The following NEMF variants were observed in gnomAD, a reference collection of about 807,000 sequenced individuals.
The protein encoded by NEMF is nuclear export mediator factor, also known as ribosome quality control complex subunit NEMF.
Under a neutral mutation model 162.2 loss-of-function variants are expected in NEMF, and 89 were observed. The ratio of observed to expected loss-of-function variants is 0.55; its 90% CI spans 0.46 to 0.65. NEMF has a LOEUF of 0.65. Ranked by LOEUF, NEMF falls within the 30% of genes least tolerant of loss-of-function variation. The probability of loss-of-function intolerance (pLI) is 0.00; values close to 1 mark genes in which losing one functional copy is unlikely to be tolerated. For synonymous variants in NEMF, 421 were observed against 404.5 expected (o/e 1.04, Z -0.49); for missense variants, 1,133 against 1,261.9 (o/e 0.90, Z 1.55).
At chr14:49,806,182 C>T (rs1350530356) in intron 18 of NEMF, 49 bp from the exon 19 acceptor site, 6 of 1,279,762 alleles carry the variant, frequency 4.7e-6, no homozygotes, top group Non-Finnish European at 6.6e-6. Flanking sequence ...GGACTTTCTC[C>T]AGAGCAAGAT....
Position 49,812,433 on chromosome 14 carries a change from A to G in NEMF, c.1744+1555T>C, listed in dbSNP as rs573614149. Among the ~76,000 whole-genome samples, 6 of 151,660 alleles carry G rather than the reference A, an allele frequency of 4.0e-5. No individual in the cohort carries two copies. In the East Asian group the frequency reaches 7.8e-4, roughly 20 times the overall value. The stretch of plus-strand genomic sequence containing the variant: ...GTTCATTTCTACTCTAATATTTACT[A>G]TTTTCTTCCTTCTCCTTGCTTTGGG... On this transcript the variant is annotated intron_variant, in intron 18 of 32. Transcript: ENST00000298310.
intron 16 of NEMF, among the ~76,000 whole-genome samples, chr14:49,818,930 C>G (rs1318093603): frequency 6.6e-6 from 1 of 152,116 alleles, no homozygotes; most frequent in Non-Finnish European, 1.5e-5. Context: ...ACAAGCCCAA[C>G]CACCCAGGGA....
rs1030100111 is a variant in NEMF, at chr14:49,783,853, T to A, written c.*783A>T. 6.6e-6 allele frequency: 1 copy of A among 152,176 alleles called. No individual in the cohort carries two copies. The highest frequency in any genetic ancestry group is 1.5e-5 in the Non-Finnish European group (1 of 68,020). 9.4% of individuals were successfully genotyped at this position (152,176 alleles called of 1,614,324 possible). A position where few individuals can be genotyped will look rare whatever the true frequency, so the allele number is the denominator to read the frequency against. On this transcript the variant is annotated 3_prime_UTR_variant, in exon 33 of 33. Coordinates refer to ENST00000298310, the MANE Select transcript of NEMF (RefSeq NM_004713.6). ...ACTTATATTTTACATTTTGGTCTAA[T>A]ATTTTTTTCTGACAAGTATCAATGA... is the stretch of plus-strand genomic sequence containing the variant.
chr14:49,834,060 CA>C, intron 7 of NEMF: 4 of 482,444 alleles, frequency 8.3e-6, no homozygotes, highest in South Asian at 3.3e-5. Context: ...AAATCTCATT[CA>C]ATTTTTTTTT....
chr14:49,785,376 T>G, intron 29 of NEMF, 56 bp from the exon 30 acceptor site: 1 of 1,169,896 alleles, frequency 8.5e-7, no homozygotes, highest in Non-Finnish European at 1.3e-6. Flanking sequence ...TTACAAAAAA[T>G]GCTAAAACAC....
Position 49,795,863 on chromosome 14 carries a change from A to G in NEMF, c.2547T>C (p.Thr849=). The G allele has an allele frequency of 6.2e-7, 1 of 1,613,356 alleles. No individual in the cohort carries two copies. Among genetic ancestry groups the G allele is most frequent in the Admixed American group, 1.7e-5 (1 of 59,886 alleles). Residue 849 remains threonine, a synonymous_variant, in exon 26 of 33, where the codon ACT becomes ACC. Transcript: ENST00000298310. ...TGTTCTGATGAGTTTCAATGTGTAC[A>G]GTACTTTCTTTTTCTTTATCCTTTC... ...LEGKDKEKES[T]VHIETHQNTS...
intron 29 of NEMF, chr14:49,785,715 C>T (rs1890140122): frequency 5.5e-6 from 1 of 183,134 alleles, no homozygotes; most frequent in Non-Finnish European, 1.2e-5. Context: ...TGGAGAAACA[C>T]CATCTCTACA....
intron 4 of NEMF, among the ~76,000 whole-genome samples, chr14:49,843,442 C>G (rs904411359): frequency 6.6e-6 from 1 of 152,022 alleles, no homozygotes; most frequent in Non-Finnish European, 1.5e-5. Context: ...TGCAGTAAGC[C>G]CTGATCATGC....
chr14:49,826,929 A>G (rs1403369293), intron 15 of NEMF, among the ~76,000 whole-genome samples: 2 of 152,220 alleles, frequency 1.3e-5, no homozygotes, highest in Non-Finnish European at 2.9e-5. Flanking sequence ...TATGTAAATG[A>G]AGAGAGGGGT....
Position 49,789,239 on chromosome 14 carries a change from C to A in NEMF, c.2802G>T (p.Arg934Ser). 6.2e-7 allele frequency: 1 copy of A among 1,613,950 alleles called. No individual in the cohort carries two copies. Among genetic ancestry groups the A allele is most frequent in the Admixed American group, 1.7e-5 (1 of 60,010 alleles). ...KQPQKPRGGQ[R>S]VSDNIKKETP... is the part of the protein sequence containing the mutation. ...TTTCTTTCTTAATGTTGTCAGAGAC[C>A]CTCTGTCCACCTCTAGGTTTCTGGG... Residue 934 changes from arginine to serine, a missense_variant, in exon 28 of 33, where the codon AGG becomes AGT. By Grantham distance (110) the Arg-to-Ser change is moderately radical. Coordinates refer to ENST00000298310, the MANE Select transcript of NEMF (RefSeq NM_004713.6).
chr14:49,831,049 C>A (rs555223168), intron 11 of NEMF, among the ~76,000 whole-genome samples: 1 of 152,194 alleles, frequency 6.6e-6, no homozygotes, highest in Non-Finnish European at 1.5e-5. Flanking sequence ...ACAGGCCTCA[C>A]GTTCCCACCG....
chr14:49,844,516 C>G (rs1016029296), intron 4 of NEMF, among the ~76,000 whole-genome samples: 3 of 152,070 alleles, frequency 2.0e-5, no homozygotes, highest in Non-Finnish European at 2.9e-5. Flanking sequence ...ATGAATGGAG[C>G]ATGCAGGACT....
chr14:49,813,482 T>G (rs143428066), intron 18 of NEMF, among the ~76,000 whole-genome samples: 1 of 152,206 alleles, frequency 6.6e-6, no homozygotes, highest in African/African-American at 2.4e-5. Flanking sequence ...ATTCTATCTA[T>G]GACTGAAAGT....
At chr14:49,799,599 G>C (rs1890862707) in intron 24 of NEMF, 37 bp downstream of exon 24, 1 of 1,597,580 alleles carries the variant, frequency 6.3e-7, no homozygotes, top group Non-Finnish European at 8.5e-7. Flanking sequence ...TATTCACTGA[G>C]AATCGGATGT....
chr14:49,829,532 T>C lies in NEMF; in HGVS notation c.946-106A>G, dbSNP rs142503293. 7.6e-5 allele frequency: 70 copies of C among 917,712 alleles called. 1 individual carries two copies. The highest frequency in any genetic ancestry group is 4.6e-4 in the Admixed American group (20 of 43,368). 56.8% of individuals were successfully genotyped at this position (917,712 alleles called of 1,614,324 possible). On this transcript the variant is annotated intron_variant, in intron 11 of 32. Coordinates refer to ENST00000298310, the MANE Select transcript of NEMF (RefSeq NM_004713.6). ...TATCCTGACCCCATCTATGCTGTTA[T>C]CTAGCTAGCTGAAGTTCCCATAGTC...
At chr14:49,784,777 C>T in intron 32 of NEMF, 64 bp from the exon 33 acceptor site, 1 of 1,502,700 alleles carries the variant, frequency 6.7e-7, no homozygotes, top group South Asian at 1.2e-5. Context: ...TCTTTTATGA[C>T]AAAAACGAAA....
chr14:49,796,745 AG>A (rs1566655707), intron 25 of NEMF, among the ~76,000 whole-genome samples: 1 of 152,226 alleles, frequency 6.6e-6, no homozygotes, highest in Non-Finnish European at 1.5e-5. Context: ...TTAGCTTTTA[AG>A]TACTCCACTT....
chr14:49,831,383 T>A (rs145484305), intron 10 of NEMF, 22 bp from the exon 11 acceptor site: 1 of 1,490,544 alleles, frequency 6.7e-7, no homozygotes, highest in Non-Finnish European at 9.3e-7. Flanking sequence ...AACAAACAAC[T>A]AGTTGGAAAA....
In NEMF at chr14:49,814,049, T is replaced by C; in HGVS notation, c.1683A>G (p.Gly561=). The C allele has an allele frequency of 1.3e-6, 2 of 1,522,188 alleles. No homozygotes were observed. Among genetic ancestry groups the C allele is most frequent in the Non-Finnish European group, 1.8e-6 (2 of 1,096,496 alleles). The allele number at this position is 1,522,188 out of a possible 1,614,324, so 94.3% of individuals were successfully genotyped here. Residue 561 remains glycine (G), a splice_region_variant and synonymous_variant, in exon 18 of 33, where the codon GGA becomes GGG. Coordinates refer to ENST00000298310, the MANE Select transcript of NEMF (RefSeq NM_004713.6). ...EIIVKRYLTP[G]DIYVHADLHG... is the part of the protein sequence containing the mutation. ...GAAGATCAGCATGTACATAAATGTC[T>C]CCTTAAATACAGACAAATAAAAAAT...
Sources: allele counts gnomAD v4.1 joint callset (sites outside exome capture counted in the v4.1 genomes callset), GRCh38; gene constraint gnomAD v4.1.1; transcripts MANE v1.5; gene names NCBI Gene and HGNC (gene_info 2026-07-23, HGNC 2026-07-21).